The following CEP44 variants were observed in gnomAD, a reference collection of about 807,000 sequenced individuals.
CEP44 encodes centrosomal protein 44.
Under a neutral mutation model 46.7 loss-of-function variants are expected in CEP44, and 45 were observed. The observed-to-expected ratio is 0.96, with a 90% CI of 0.76 to 1.24. The LOEUF (loss-of-function observed/expected upper bound fraction) is 1.24. CEP44 is among the 50% of genes most tolerant of loss of function. The probability of loss-of-function intolerance (pLI) is 0.00; values close to 1 mark genes in which losing one functional copy is unlikely to be tolerated. For missense variants in CEP44, 475 were observed against 459.7 expected (o/e 1.03, Z -0.30); for synonymous variants, 142 against 146.0 (o/e 0.97, Z 0.20).
chr4:174,303,990 T>C, intron 5 of CEP44, 141 bp downstream of exon 5: 1 of 730,860 alleles, frequency 1.4e-6, no homozygotes, highest in Non-Finnish European at 2.1e-6. Flanking sequence ...AGTAACCTTA[T>C]AAAGCTTGTT....
chr4:174,314,271 T>G lies in CEP44; in HGVS notation c.962-1895T>G, dbSNP rs1038857765. 2.0e-5 allele frequency among the ~76,000 whole-genome samples: 3 copies of G among 152,158 alleles called. No homozygotes were observed. Among genetic ancestry groups the G allele is most frequent in the Non-Finnish European group, 4.4e-5 (3 of 68,024 alleles). ...TTCCCCTTTCCTTTCCAACCTGAAC[T>G]CAGTTACCAATTCTTTTCTCAATCC... On this transcript the variant is annotated intron_variant, in intron 9 of 11. Transcript: ENST00000503780. This position sits in a 1 kb window ranked among gnomAD's most constrained non-coding sequence, Gnocchi z 4.1.
rs185412488 is a variant in CEP44, at chr4:174,327,959, A to G, written c.1087-3523A>G. The stretch of plus-strand genomic sequence containing the variant: ...CTGGTAAAGGAGATTTATCTTTATA[A>G]CTTTGGGTGGGAAAATAGTTTTTAA... On this transcript the variant is annotated intron_variant, in intron 8 of 8. Transcript: ENST00000426172. Among the ~76,000 whole-genome samples, 20 of 152,360 alleles carry G rather than the reference A, an allele frequency of 1.3e-4. No individual in the cohort carries two copies. The East Asian group carries it at 3.5e-3, about 26-fold the overall frequency.
At position 174,312,447 on chromosome 4, in the gene CEP44, C is replaced by T. The variant is rs182896299; in HGVS notation, c.961+1589C>T. Among the ~76,000 whole-genome samples, 2 of 151,908 alleles carry T rather than the reference C, an allele frequency of 1.3e-5. No homozygotes were observed. The highest frequency in any genetic ancestry group is 1.3e-4 in the Admixed American group (2 of 15,252). On this transcript the variant is annotated intron_variant, in intron 9 of 11. Coordinates refer to ENST00000503780, the MANE Select transcript of CEP44 (RefSeq NM_001040157.3). This position sits in a 1 kb window ranked among gnomAD's most constrained non-coding sequence, Gnocchi z 4.5. ...CTGGGACTACAGGTACGTGCCACCA[C>T]ACCTGGATAATTTTTTATTTATTTA...
rs555093349 is a variant in CEP44 at position 174,301,978 on chromosome 4, A to G, written c.90-61A>G. ...TTTCTAATATTTTCTTGATTATCCA[A>G]CTTTGTGGAATTATGCTTATTAAAT... On this transcript the variant is annotated intron_variant, in intron 3 of 11. Coordinates refer to ENST00000503780, the MANE Select transcript of CEP44 (RefSeq NM_001040157.3). This position sits in a 1 kb window ranked among gnomAD's most constrained non-coding sequence, Gnocchi z 4.3. 14 of 1,425,592 alleles carry G rather than the reference A, an allele frequency of 9.8e-6. No homozygotes were observed. In the South Asian group the frequency reaches 1.9e-4, roughly 19 times the overall value. 88.3% of individuals were successfully genotyped at this position (1,425,592 alleles called of 1,614,324 possible).
chr4:174,289,839 T>A (rs1579063820), intron 1 of CEP44, among the ~76,000 whole-genome samples: 1 of 148,236 alleles, frequency 6.7e-6, no homozygotes, highest in Non-Finnish European at 1.5e-5. Flanking sequence ...ATTGAGACCT[T>A]TTTTTTTTTT....
intron 1 of CEP44, 116 bp downstream of exon 1, chr4:174,284,059 T>G: frequency 2.5e-6 from 1 of 399,038 alleles, no homozygotes. Context: ...CTCTGGTGAC[T>G]GTGTATGGTT....
chr4:174,306,028 CTACAAG>C (rs1411663938), intron 6 of CEP44, among the ~76,000 whole-genome samples: 1 of 151,864 alleles, frequency 6.6e-6, no homozygotes, highest in East Asian at 1.9e-4. Flanking sequence ...AGAAAAGAGT[CTACAAG>C]TACATTTCTT....
Position 174,303,784 on chromosome 4 carries a change from C to T in CEP44, c.319C>T (p.Gln107Ter). 1 of 1,571,762 alleles carries T rather than the reference C, an allele frequency of 6.4e-7. No homozygotes were observed. Among genetic ancestry groups the T allele is most frequent in the Non-Finnish European group, 8.7e-7 (1 of 1,149,144 alleles). ...IQCGFAEWKI[Q>*]IVCDILNCVM... The stretch of plus-strand genomic sequence containing the variant: ...ATGTGGGTTTGCAGAATGGAAAATC[C>T]AAATTGTTTGTGATATTTTGAATTG... Residue 107 changes from glutamine to a stop codon, truncating the protein, a stop_gained, in exon 5 of 12, where the codon CAA (glutamine) becomes TAA (stop). Transcript: ENST00000503780. LOFTEE classifies it high-confidence loss of function.
rs2126524424 is a variant in CEP44 at position 174,293,446 on chromosome 4, TC to T, written c.-147-4518del. ...AGGACAAGGGCTGGGGAGGTCCTGT[TC>T]CACTATCCTTTTCTAGCTAAAACCT... On this transcript the variant is annotated intron_variant, in intron 1 of 11. Coordinates refer to ENST00000503780, the MANE Select transcript of CEP44 (RefSeq NM_001040157.3). Among the ~76,000 whole-genome samples, 3 of 152,316 alleles carry T rather than the reference TC, an allele frequency of 2.0e-5. No individual in the cohort carries two copies. The South Asian group carries it at 6.2e-4, about 32-fold the overall frequency.
At position 174,329,656 on chromosome 4, in the gene CEP44, G is replaced by T. The variant is rs1731207746; in HGVS notation, c.1087-1826G>T. On this transcript the variant is annotated intron_variant, in intron 8 of 8. Coordinates refer to the CEP44 transcript ENST00000426172. This position sits in a 1 kb window ranked among gnomAD's most constrained non-coding sequence, Gnocchi z 4.0. ...AAACCAAAGGGGAAAAGTTCAAAAG[G>T]TACTTCATAACTTTTTTTTTTAGGT... 6.6e-6 allele frequency among the ~76,000 whole-genome samples: 1 copy of T among 151,972 alleles called. No individual in the cohort carries two copies. Among genetic ancestry groups the T allele is most frequent in the South Asian group, 2.1e-4 (1 of 4,830 alleles).
At chr4:174,328,667 A>G (rs566731411) in intron 8 of CEP44, among the ~76,000 whole-genome samples, 14 of 152,114 alleles carry the variant, frequency 9.2e-5, no homozygotes, top group Non-Finnish European at 1.6e-4. Context: ...ACTCAAACTT[A>G]TTTCTTTCAT....
chr4:174,293,126 T>A (rs1279212382), intron 1 of CEP44, among the ~76,000 whole-genome samples: 1 of 152,194 alleles, frequency 6.6e-6, no homozygotes, highest in African/African-American at 2.4e-5. Flanking sequence ...CAAAATCAGG[T>A]CTGCGGTTGT....
At chr4:174,304,582 A>G (rs1579113671) in intron 6 of CEP44, among the ~76,000 whole-genome samples, 1 of 152,346 alleles carries the variant, frequency 6.6e-6, no homozygotes, top group Non-Finnish European at 1.5e-5. Flanking sequence ...TGTTCTCTTT[A>G]TATTTCTAAT....
rs1306409427 is a variant in CEP44, at chr4:174,318,609, T to A, written c.*1226T>A. 1.5e-6 allele frequency: 1 copy of A among 687,284 alleles called. No homozygotes were observed. Among genetic ancestry groups the A allele is most frequent in the Non-Finnish European group, 1.8e-6 (1 of 559,090 alleles). 42.6% of individuals were successfully genotyped at this position (687,284 alleles called of 1,614,324 possible). A position where few individuals can be genotyped will look rare whatever the true frequency, so the allele number is the denominator to read the frequency against. On this transcript the variant is annotated 3_prime_UTR_variant, in exon 12 of 12. Coordinates refer to ENST00000503780, the MANE Select transcript of CEP44 (RefSeq NM_001040157.3). ...TCATTATTTGGAAGGAAAATTAGTATTTTTTTTAATATTATATGGACCATC... is the reference window on the plus strand; with the variant it reads ...TCATTATTTGGAAGGAAAATTAGTAATTTTTTTAATATTATATGGACCATC...
intron 1 of CEP44, among the ~76,000 whole-genome samples, chr4:174,289,366 TA>T (rs1474027393): frequency 1.3e-5 from 2 of 151,964 alleles, no homozygotes; most frequent in South Asian, 4.1e-4. Context: ...TGCTAGAATG[TA>T]TCTGGCTCTT....
rs70947423 is a variant in CEP44, at chr4:174,297,651, AGTGTGTGTGTGTGT to A, written c.-147-294_-147-281del. Among the ~76,000 whole-genome samples, 3 of 148,952 alleles carry A rather than the reference AGTGTGTGTGTGTGT, an allele frequency of 2.0e-5. No individual in the cohort carries two copies. Among genetic ancestry groups the A allele is most frequent in the Non-Finnish European group, 4.5e-5 (3 of 67,220 alleles). On this transcript the variant is annotated intron_variant, in intron 1 of 11. Transcript: ENST00000503780. This position sits in a 1 kb window ranked among gnomAD's most constrained non-coding sequence, Gnocchi z 4.3. ...CTGAGATATAGGAAGAAACTTTATT[AGTGTGTGTGTGTGT>A]GTGTGTGTGTGTGTGTGTGTTTTCA...
intron 9 of CEP44, 94 bp from the exon 10 acceptor site, chr4:174,316,067 TTAAAA>T: frequency 7.0e-7 from 1 of 1,421,334 alleles, no homozygotes; most frequent in Middle Eastern, 1.9e-4. Flanking sequence ...CCATTTTTAA[TTAAAA>T]TAGTATGTTT....
downstream of CEP44, among the ~76,000 whole-genome samples, chr4:174,323,771 G>C (rs1742477989): frequency 6.6e-6 from 1 of 152,016 alleles, no homozygotes; most frequent in African/African-American, 2.4e-5. Flanking sequence ...GGAGTTTTTG[G>C]CCTTCTGATG....
intron 4 of CEP44, among the ~76,000 whole-genome samples, chr4:174,303,443 G>A (rs1739992719): frequency 6.6e-6 from 1 of 152,116 alleles, no homozygotes; most frequent in Non-Finnish European, 1.5e-5. Flanking sequence ...TTTGATGATT[G>A]ACTATATTTT....
Sources: allele counts gnomAD v4.1 joint callset (sites outside exome capture counted in the v4.1 genomes callset), GRCh38; gene constraint gnomAD v4.1.1; non-coding constraint Gnocchi (gnomAD v3.1); transcripts MANE v1.5; gene names NCBI Gene and HGNC (gene_info 2026-07-23, HGNC 2026-07-21).